Variants in GPC5 observed in about 807,000 individuals in gnomAD.
The protein encoded by GPC5 is glypican 5, also known as glypican-5.
A neutral mutation model predicts 53.9 loss-of-function variants in GPC5; 47 were observed. The ratio of observed to expected loss-of-function variants is 0.87; its 90% CI spans 0.69 to 1.11. The LOEUF (loss-of-function observed/expected upper bound fraction) is 1.11. Among genes scored for constraint, GPC5 ranks in the 50% most tolerant of loss-of-function variants. GPC5 has a pLI of 0.00. For missense variants in GPC5, 748 were observed against 713.1 expected (o/e 1.05, Z -0.56); for synonymous variants, 286 against 263.3 (o/e 1.09, Z -0.84).
intron 7 of GPC5, among the ~76,000 whole-genome samples, chr13:92,464,851 G>GAT (rs948129789): frequency 6.6e-6 from 1 of 151,340 alleles, no homozygotes; most frequent in South Asian, 2.1e-4. Flanking sequence ...TAATTATTTG[G>GAT]ATATATATAT....
intron 2 of GPC5, among the ~76,000 whole-genome samples, chr13:91,506,937 T>C (rs550786818): frequency 6.6e-6 from 1 of 152,158 alleles, no homozygotes; most frequent in South Asian, 2.1e-4. Context: ...AAATAAGAAA[T>C]ATAAATGAAT....
At chr13:92,560,687 T>C (rs1429354694) in intron 7 of GPC5, among the ~76,000 whole-genome samples, 2 of 152,024 alleles carry the variant, frequency 1.3e-5, no homozygotes, top group African/African-American at 4.8e-5. Flanking sequence ...ATTTTACACA[T>C]GAAATCTAAT....
intron 7 of GPC5, among the ~76,000 whole-genome samples, chr13:92,704,423 A>G (rs575220193): frequency 3.9e-5 from 6 of 152,164 alleles, no homozygotes; most frequent in African/African-American, 1.2e-4. Context: ...AAAAAGGAAA[A>G]TTATGTTTAT....
intron 7 of GPC5, among the ~76,000 whole-genome samples, chr13:92,602,207 T>TATAAA (rs1555294269): frequency 2.1e-4 from 24 of 113,298 alleles, no homozygotes; most frequent in African/African-American, 7.8e-4. Context: ...AATATATATA[T>TATAAA]TACATATATA....
At chr13:92,061,283 A>G (rs1310934120) in intron 6 of GPC5, among the ~76,000 whole-genome samples, 1 of 152,026 alleles carries the variant, frequency 6.6e-6, no homozygotes. Flanking sequence ...GATTAGAGCT[A>G]ATTGGTTTTG....
chr13:92,213,396 A>G (rs932906482), intron 7 of GPC5, among the ~76,000 whole-genome samples: 1 of 152,194 alleles, frequency 6.6e-6, no homozygotes, highest in Non-Finnish European at 1.5e-5. Flanking sequence ...GAGAAAAAAG[A>G]ATGCCTTGTA....
intron 7 of GPC5, among the ~76,000 whole-genome samples, chr13:92,425,616 T>C (rs1008574192): frequency 6.6e-5 from 10 of 152,090 alleles, no homozygotes; most frequent in African/African-American, 2.4e-4. Context: ...CTTCTCCTGT[T>C]CAACCTTTGT....
chr13:92,582,340 A>G (rs1163598817), intron 7 of GPC5, among the ~76,000 whole-genome samples: 1 of 152,008 alleles, frequency 6.6e-6, no homozygotes, highest in African/African-American at 2.4e-5. Flanking sequence ...CCTTTATTGA[A>G]AATCAATTGA....
intron 5 of GPC5, among the ~76,000 whole-genome samples, chr13:91,829,548 G>A (rs1028452397): frequency 1.3e-5 from 2 of 152,028 alleles, no homozygotes; most frequent in Non-Finnish European, 2.9e-5. Context: ...GTGTATATGG[G>A]TGAGAAAGAA....
chr13:92,361,453 A>G (rs975248591), intron 7 of GPC5, among the ~76,000 whole-genome samples: 3 of 151,764 alleles, frequency 2.0e-5, no homozygotes, highest in African/African-American at 7.3e-5. Context: ...AGATATATGG[A>G]TCTAGATTTT....
At chr13:91,995,949 C>A (rs1037855075) in intron 6 of GPC5, 1 of 152,158 alleles carries the variant, frequency 6.6e-6, no homozygotes, top group Non-Finnish European at 1.5e-5. Flanking sequence ...CTACCACCTG[C>A]TAGAGGCTTG....
At chr13:91,995,982 T>C (rs2040500237) in intron 6 of GPC5, 1 of 152,216 alleles carries the variant, frequency 6.6e-6, no homozygotes, top group Admixed American at 6.5e-5. Flanking sequence ...TGCATTACTA[T>C]TCAGATGGAA....
intron 7 of GPC5, among the ~76,000 whole-genome samples, chr13:92,285,855 A>G (rs1190633425): frequency 1.3e-5 from 2 of 152,202 alleles, no homozygotes; most frequent in Non-Finnish European, 2.9e-5. Flanking sequence ...TTGAAACACT[A>G]AAAGCAATGG....
chr13:91,485,607 G>A (rs1409504260), intron 2 of GPC5, among the ~76,000 whole-genome samples: 1 of 152,130 alleles, frequency 6.6e-6, no homozygotes, highest in Non-Finnish European at 1.5e-5. Context: ...CTGAATAATA[G>A]TAATAGCAAA....
intron 7 of GPC5, among the ~76,000 whole-genome samples, chr13:92,660,473 A>G (rs9301828): frequency 0.016 from 2,352 of 150,978 alleles, 74 homozygotes; most frequent in African/African-American, 0.053. Flanking sequence ...ATAAATATAT[A>G]CACACATACA....
intron 2 of GPC5, among the ~76,000 whole-genome samples, chr13:91,544,526 T>C (rs2030161674): frequency 6.6e-6 from 1 of 152,224 alleles, no homozygotes; most frequent in Admixed American, 6.5e-5. Context: ...AAGGTACACA[T>C]CAACATACAG....
At position 92,715,122 on chromosome 13, in the gene GPC5, T is replaced by A. The variant is rs561678218; in HGVS notation, c.1562-151160T>A. Among the ~76,000 whole-genome samples the A allele has an allele frequency of 8.5e-5, 13 of 152,262 alleles. No individual in the cohort carries two copies. The East Asian group carries it at 2.3e-3, about 27-fold the overall frequency. ...TAACTTTATTTATTCCATGGTTGAG[T>A]ACTCAGATTTTGTACGTATACATGT... On this transcript the variant is annotated intron_variant, in intron 7 of 7. Coordinates refer to ENST00000377067, the MANE Select transcript of GPC5 (RefSeq NM_004466.6).
chr13:91,532,105 GA>G (rs965157055), intron 2 of GPC5, among the ~76,000 whole-genome samples: 1 of 151,812 alleles, frequency 6.6e-6, no homozygotes, highest in Non-Finnish European at 1.5e-5. Context: ...GAAAAAAAAT[GA>G]AAAAAAGGCA....
chr13:92,008,223 C>T (rs866475455), intron 6 of GPC5, among the ~76,000 whole-genome samples: 2 of 151,858 alleles, frequency 1.3e-5, no homozygotes, highest in African/African-American at 2.4e-5. Flanking sequence ...CTACCACGCC[C>T]GGCTAATTTT....
Sources: gnomAD v4.1 joint callset for allele counts (sites outside exome capture counted in the v4.1 genomes callset) on GRCh38, gnomAD v4.1.1 for gene constraint, MANE v1.5 for transcripts, NCBI Gene and HGNC (gene_info 2026-07-23, HGNC 2026-07-21) for gene names.